ZFPM1: variants seen among roughly 807,000 people sequenced by gnomAD.
The protein encoded by ZFPM1 is zinc finger protein ZFPM1.
In ZFPM1, 28 loss-of-function variants were observed where a neutral mutation model predicts 46.3. The observed-to-expected ratio is 0.60, with a 90% CI of 0.45 to 0.83. The LOEUF is 0.83. Ranked by LOEUF, ZFPM1 falls within the 40% of genes least tolerant of loss-of-function variation. ZFPM1 has a pLI of 0.00. For missense variants in ZFPM1, 1,878 were observed against 1,432.4 expected (o/e 1.31, Z -5.02); for synonymous variants, 957 against 675.9 (o/e 1.42, Z -6.45).
In ZFPM1 at chr16:88,533,394, G is replaced by A. The variant is rs747868840; in HGVS notation, c.1436G>A (p.Gly479Glu). Residue 479 changes from glycine to glutamate, a missense_variant, in exon 10 of 10, where the codon GGA becomes GAA. Gly to Glu is a moderately conservative substitution (Grantham distance 98, BLOSUM62 -2). Transcript: ENST00000319555. ...EPEAAPILGP[G>E]EPGPQAPSRT... ...GAGGCGGCCCCCATCCTGGGCCCCG[G>A]AGAGCCTGGGCCCCAGGCCCCGTCG... 12 of 1,519,612 alleles carry A rather than the reference G, an allele frequency of 7.9e-6. No homozygotes were observed. The South Asian group carries it at 1.2e-4, about 15-fold the overall frequency. 94.1% of individuals were successfully genotyped at this position (1,519,612 alleles called of 1,614,324 possible).
chr16:88,536,918 C>G lies in ZFPM1; in HGVS notation c.*1939C>G, dbSNP rs1913267646. On this transcript the variant is annotated 3_prime_UTR_variant, in exon 10 of 10. Coordinates refer to ENST00000319555, the MANE Select transcript of ZFPM1 (RefSeq NM_153813.3). Reference sequence around the variant, plus strand: ...TCAGGAGGCTCTGCCCCCAAGTCCTCCCCAGGTGCGGGCGCAGGGTACAAG... The same window carrying G: ...TCAGGAGGCTCTGCCCCCAAGTCCTGCCCAGGTGCGGGCGCAGGGTACAAG... 6.6e-6 allele frequency: 1 copy of G among 152,238 alleles called. No homozygotes were observed. Among genetic ancestry groups the G allele is most frequent in the Non-Finnish European group, 1.5e-5 (1 of 68,068 alleles). The allele number at this position is 152,238 out of a possible 1,614,324, so 9.4% of individuals were successfully genotyped here.
intron 1 of ZFPM1, among the ~76,000 whole-genome samples, chr16:88,482,947 C>T (rs563838593): frequency 2.0e-5 from 3 of 152,316 alleles, no homozygotes; most frequent in East Asian, 3.9e-4. Flanking sequence ...GGGGAGGCCT[C>T]GGTGGCTGCT....
intron 3 of ZFPM1, among the ~76,000 whole-genome samples, chr16:88,495,452 C>T (rs561963727): frequency 8.5e-4 from 130 of 152,356 alleles, no homozygotes; most frequent in Non-Finnish European, 8.8e-4. Context: ...CTCACTTGTC[C>T]GTCCTTCCTC....
At chr16:88,467,678 C>T (rs1908199412) in intron 1 of ZFPM1, among the ~76,000 whole-genome samples, 2 of 152,190 alleles carry the variant, frequency 1.3e-5, no homozygotes, top group South Asian at 2.1e-4. Context: ...GGGCTCTGGG[C>T]TGGCTGCTGG....
intron 1 of ZFPM1, among the ~76,000 whole-genome samples, chr16:88,460,243 C>CT (rs1907756141): frequency 1.3e-5 from 2 of 152,158 alleles, no homozygotes; most frequent in East Asian, 3.9e-4. Flanking sequence ...AGCGAGAGGC[C>CT]CAGGGTTTAT....
chr16:88,497,995 A>T lies in ZFPM1; in HGVS notation c.268+8842A>T, dbSNP rs1052227159. Among the ~76,000 whole-genome samples, 32 of 152,262 alleles carry T rather than the reference A, an allele frequency of 2.1e-4. No individual in the cohort carries two copies. Among genetic ancestry groups the T allele is most frequent in the African/African-American group, 7.2e-4 (30 of 41,556 alleles). On this transcript the variant is annotated intron_variant, in intron 3 of 9. Transcript: ENST00000319555. This position sits in a 1 kb window ranked among gnomAD's most constrained non-coding sequence, Gnocchi z 5.4. ...TCCCCACCCGGTGTGCGTGGGTGGG[A>T]AATCATTCCAGCTATTCTGCCTTAT... is the stretch of plus-strand genomic sequence containing the variant.
chr16:88,526,799 ACCCTCCC>A lies in ZFPM1; in HGVS notation c.403-11_403-5del. On this transcript the variant is annotated splice_polypyrimidine_tract_variant and splice_region_variant and intron_variant, in intron 4 of 9. Coordinates refer to ENST00000319555, the MANE Select transcript of ZFPM1 (RefSeq NM_153813.3). ...GACGGACCCCTCCCCACGTGTTCCT[ACCCTCCC>A]CCCCCAGAGCCCAGCCCTGACCCTG... is the stretch of plus-strand genomic sequence containing the variant. The A allele has an allele frequency of 1.7e-6, 2 of 1,196,528 alleles. No homozygotes were observed. Among genetic ancestry groups the A allele is most frequent in the Non-Finnish European group, 2.2e-6 (2 of 917,804 alleles). The allele number at this position is 1,196,528 out of a possible 1,614,324, so 74.1% of individuals were successfully genotyped here.
chr16:88,493,582 G>T (rs1399452137), intron 3 of ZFPM1, among the ~76,000 whole-genome samples: 1 of 148,658 alleles, frequency 6.7e-6, no homozygotes, highest in African/African-American at 2.5e-5. Flanking sequence ...CCGGGGTGTG[G>T]TGAGCTGTCC....
rs1006731025 is a variant in ZFPM1 at position 88,497,745 on chromosome 16, C to A, written c.268+8592C>A. On this transcript the variant is annotated intron_variant, in intron 3 of 9. Coordinates refer to ENST00000319555, the MANE Select transcript of ZFPM1 (RefSeq NM_153813.3). The surrounding 1 kb of genome is among the most constrained non-coding windows in gnomAD (Gnocchi z 5.4). ...TCCACTATTTCCTGCCTGAGGCCCA[C>A]GAAGGGTCCCCCGCCCCAGGGTCCC... Among the ~76,000 whole-genome samples, 1 of 152,090 alleles carries A rather than the reference C, an allele frequency of 6.6e-6. No homozygotes were observed. Among genetic ancestry groups the A allele is most frequent in the Admixed American group, 6.5e-5 (1 of 15,286 alleles).
chr16:88,494,893 G>A (rs1909847953), intron 3 of ZFPM1, among the ~76,000 whole-genome samples: 1 of 152,210 alleles, frequency 6.6e-6, no homozygotes. Flanking sequence ...CAGCCCGGAT[G>A]CGAAGGGAAG....
In ZFPM1 at chr16:88,497,100, T is replaced by C. The variant is rs1325238015; in HGVS notation, c.268+7947T>C. Among the ~76,000 whole-genome samples the C allele has an allele frequency of 6.6e-6, 1 of 152,228 alleles. No individual in the cohort carries two copies. Among genetic ancestry groups the C allele is most frequent in the African/African-American group, 2.4e-5 (1 of 41,452 alleles). On this transcript the variant is annotated intron_variant, in intron 3 of 9. Transcript: ENST00000319555. This position sits in a 1 kb window ranked among gnomAD's most constrained non-coding sequence, Gnocchi z 5.4. ...CACTATGGACAAGGTGAATTCCAGC[T>C]GATCACACAAGTCGTGACTTTTCCA...
rs748722139 is a variant in ZFPM1 at position 88,480,924 on chromosome 16, G to T, written c.41-5015G>T. Among the ~76,000 whole-genome samples the T allele has an allele frequency of 6.6e-6, 1 of 152,226 alleles. No homozygotes were observed. The highest frequency in any genetic ancestry group is 2.4e-5 in the African/African-American group (1 of 41,462). On this transcript the variant is annotated intron_variant, in intron 1 of 9. Coordinates refer to ENST00000319555, the MANE Select transcript of ZFPM1 (RefSeq NM_153813.3). This position sits in a 1 kb window ranked among gnomAD's most constrained non-coding sequence, Gnocchi z 4.9. ...AAAGCCGGGAGGGGCCACCTTAATC[G>T]TCGGTGTGGGGACTTGGAAGGGAGC...
intron 1 of ZFPM1, 81 bp downstream of exon 1, chr16:88,453,759 C>T (rs1388663022): frequency 4.6e-6 from 4 of 862,218 alleles, no homozygotes; most frequent in Non-Finnish European, 5.7e-6. Flanking sequence ...CCCCGCCCGT[C>T]CCCGCTCTGC....
At position 88,533,944 on chromosome 16, in the gene ZFPM1, C is replaced by A. The variant is rs1183919984; in HGVS notation, c.1986C>A (p.Gly662=). 1 of 1,276,490 alleles carries A rather than the reference C, an allele frequency of 7.8e-7. No homozygotes were observed. The allele number at this position is 1,276,490 out of a possible 1,614,324, so 79.1% of individuals were successfully genotyped here. The change falls in exon 10 of 10, where the codon GGC becomes GGA. Residue 662 remains glycine (G), a synonymous_variant. Coordinates refer to ENST00000319555, the MANE Select transcript of ZFPM1 (RefSeq NM_153813.3). ...CCGAGGACGGCGCGGGCGGCCGGGG[C>A]AGCGAGGGCAGCCAGAGCCCGGGTA... ...ATPEDGAGGR[G]SEGSQSPGSS... is the part of the protein sequence containing the mutation.
At chr16:88,507,749 T>C (rs1910739070) in intron 3 of ZFPM1, among the ~76,000 whole-genome samples, 1 of 152,182 alleles carries the variant, frequency 6.6e-6, no homozygotes, top group South Asian at 2.1e-4. Flanking sequence ...GAGAGCCAGC[T>C]GCCCAGTGTA....
Position 88,526,779 on chromosome 16 carries a change from ACCCCTCCCCACGTGTTCCTACCCT to A in ZFPM1, c.403-30_403-7del. 1 of 1,489,662 alleles carries A rather than the reference ACCCCTCCCCACGTGTTCCTACCCT, an allele frequency of 6.7e-7. No homozygotes were observed. Among genetic ancestry groups the A allele is most frequent in the Non-Finnish European group, 9.0e-7 (1 of 1,109,042 alleles). 92.3% of individuals were successfully genotyped at this position (1,489,662 alleles called of 1,614,324 possible). On this transcript the variant is annotated splice_polypyrimidine_tract_variant and intron_variant, in intron 4 of 9. Transcript: ENST00000319555. ...GAACCCCCAGGCAGGCTGCTGACGG[ACCCCTCCCCACGTGTTCCTACCCT>A]CCCCCCCCAGAGCCCAGCCCTGACC... is the stretch of plus-strand genomic sequence containing the variant.
At chr16:88,474,091 C>A (rs1006413945) in intron 1 of ZFPM1, among the ~76,000 whole-genome samples, 4 of 152,236 alleles carry the variant, frequency 2.6e-5, no homozygotes, top group African/African-American at 4.8e-5. Flanking sequence ...CAGGCCGCAC[C>A]GATAGGATGT....
chr16:88,522,387 T>C (rs947925309), intron 4 of ZFPM1, among the ~76,000 whole-genome samples: 1 of 152,050 alleles, frequency 6.6e-6, no homozygotes, highest in African/African-American at 2.4e-5. Flanking sequence ...CAGCCTCAGC[T>C]CCCACCCTCC....
intron 3 of ZFPM1, among the ~76,000 whole-genome samples, chr16:88,498,506 C>T (rs1017768544): frequency 6.6e-6 from 1 of 152,226 alleles, no homozygotes; most frequent in African/African-American, 2.4e-5. Flanking sequence ...CGTGCTCAGG[C>T]CAGCATAGCC....
Sources: allele counts gnomAD v4.1 joint callset (sites outside exome capture counted in the v4.1 genomes callset), GRCh38; gene constraint gnomAD v4.1.1; non-coding constraint Gnocchi (gnomAD v3.1); transcripts MANE v1.5; gene names NCBI Gene and HGNC (gene_info 2026-07-23, HGNC 2026-07-21).